Variants in TMEM229A observed in about 807,000 individuals in gnomAD.
TMEM229A encodes the protein transmembrane protein 229A.
TMEM229A carries 23 observed loss-of-function variants against 30.0 expected under a neutral mutation model. That is an observed-to-expected ratio of 0.77 (90% confidence interval 0.55 to 1.09). TMEM229A has a LOEUF of 1.09. TMEM229A is among the 50% of genes least tolerant of loss of function. The probability of loss-of-function intolerance (pLI) is 0.00; values close to 1 mark genes in which losing one functional copy is unlikely to be tolerated. For missense variants in TMEM229A, 534 were observed against 525.9 expected (o/e 1.02, Z -0.15); for synonymous variants, 264 against 241.5 (o/e 1.09, Z -0.86).
rs1031478518 is a variant in TMEM229A, at chr7:124,032,098, G to A, written c.906C>T (p.Arg302=). 2.6e-6 allele frequency: 4 copies of A among 1,551,610 alleles called. No homozygotes were observed. Among genetic ancestry groups the A allele is most frequent in the African/African-American group, 1.4e-5 (1 of 73,046 alleles). The change falls in exon 1 of 1, where the codon CGC becomes CGT. Residue 302 remains arginine (R), a synonymous_variant. Transcript: ENST00000455783. The surrounding 1 kb of genome is among the most constrained non-coding windows in gnomAD (Gnocchi z 6.6). ...EKLYFHLHYS[R]GWGTWKRVPI... is the part of the protein sequence containing the mutation. ...GCACCCGCTTCCAAGTGCCCCAACC[G>A]CGGCTGTAGTGGAGGTGGAAGTAGA...
rs1230546856 is a variant in TMEM229A, at chr7:124,032,947, C to A, written c.57G>T (p.Arg19=). 40 of 1,338,006 alleles carry A rather than the reference C, an allele frequency of 3.0e-5. No individual in the cohort carries two copies. The highest frequency in any genetic ancestry group is 3.8e-5 in the Non-Finnish European group (40 of 1,050,330). The allele number at this position is 1,338,006 out of a possible 1,614,324, so 82.9% of individuals were successfully genotyped here. A position where few individuals can be genotyped will look rare whatever the true frequency, so the allele number is the denominator to read the frequency against. ...CTGGCCCGCCAGGGGCCCCCGGACGCCGCGCCGCGCCGCCCCTCCGTGCGG... is the reference window on the plus strand; with the variant it reads ...CTGGCCCGCCAGGGGCCCCCGGACGACGCGCCGCGCCGCCCCTCCGTGCGG... The part of the protein sequence containing the change: ...EGPARRGGAA[R]RPGAPGGPGS... The change falls in exon 1 of 1, where the codon CGG becomes CGT. Residue 19 remains arginine (R), a synonymous_variant. Coordinates refer to ENST00000455783, the MANE Select transcript of TMEM229A (RefSeq NM_001136002.2). The surrounding 1 kb of genome is among the most constrained non-coding windows in gnomAD (Gnocchi z 6.6).
At position 124,031,764 on chromosome 7, in the gene TMEM229A, A is replaced by G. The variant is rs73720339; in HGVS notation, c.*97T>C. 3.9e-3 allele frequency: 4,969 copies of G among 1,274,860 alleles called. 135 individuals carry two copies. In the African/African-American group the frequency reaches 0.065, roughly 17 times the overall value. 79.0% of individuals were successfully genotyped at this position (1,274,860 alleles called of 1,614,324 possible). On this transcript the variant is annotated 3_prime_UTR_variant, in exon 1 of 1. Coordinates refer to ENST00000455783, the MANE Select transcript of TMEM229A (RefSeq NM_001136002.2). The surrounding 1 kb of genome is among the most constrained non-coding windows in gnomAD (Gnocchi z 4.1). ...TAGTAAAGCGTATAAAAATTAAAGG[A>G]CTAAAAAACCCACTTCATTTTAAAT...
In TMEM229A at chr7:124,031,815, G is replaced by A. The variant is rs938567194; in HGVS notation, c.*46C>T. 1.4e-6 allele frequency: 2 copies of A among 1,451,990 alleles called. No homozygotes were observed. Among genetic ancestry groups the A allele is most frequent in the African/African-American group, 1.4e-5 (1 of 69,786 alleles). 89.9% of individuals were successfully genotyped at this position (1,451,990 alleles called of 1,614,324 possible). A position where few individuals can be genotyped will look rare whatever the true frequency, so the allele number is the denominator to read the frequency against. ...GTGTAAAAATAAATCGCATCCATTC[G>A]TGGGAATCCAGTGACTTTTTCCTTT... is the stretch of plus-strand genomic sequence containing the variant. On this transcript the variant is annotated 3_prime_UTR_variant, in exon 1 of 1. Coordinates refer to ENST00000455783, the MANE Select transcript of TMEM229A (RefSeq NM_001136002.2). This position sits in a 1 kb window ranked among gnomAD's most constrained non-coding sequence, Gnocchi z 4.1.
At position 124,031,184 on chromosome 7, in the gene TMEM229A, T is replaced by G. The variant is rs1329866584; in HGVS notation, c.*677A>C. 6.6e-6 allele frequency: 1 copy of G among 152,176 alleles called. No homozygotes were observed. The highest frequency in any genetic ancestry group is 1.5e-5 in the Non-Finnish European group (1 of 68,024). The allele number at this position is 152,176 out of a possible 1,614,324, so 9.4% of individuals were successfully genotyped here. On this transcript the variant is annotated 3_prime_UTR_variant, in exon 1 of 1. Transcript: ENST00000455783. The surrounding 1 kb of genome is among the most constrained non-coding windows in gnomAD (Gnocchi z 4.1). ...AAAGCAATCATTTCCAGGATGGAGA[T>G]CAAATATCTTAACACAGTGTCACCT...
In TMEM229A at chr7:124,032,793, C is replaced by T. The variant is rs535296064; in HGVS notation, c.211G>A (p.Val71Met). The T allele has an allele frequency of 1.5e-5, 24 of 1,550,918 alleles. 2 individuals are homozygous for T. The South Asian group carries it at 2.6e-4, about 17-fold the overall frequency. Residue 71 changes from valine to methionine, a missense_variant, in exon 1 of 1, where the codon GTG becomes ATG. By Grantham distance (21) the Val-to-Met change is conservative. Transcript: ENST00000455783. This position sits in a 1 kb window ranked among gnomAD's most constrained non-coding sequence, Gnocchi z 6.6. Reference protein sequence around the residue: ...GMHGITLDVLVSSARRFARSP... With the variant: ...GMHGITLDVLMSSARRFARSP... ...CGGGCGAAGCGCCGGGCCGAGGACA[C>T]CAGCACGTCCAGGGTGATCCCGTGC...
In TMEM229A at chr7:124,032,354, G is replaced by A. The variant is rs1793145820; in HGVS notation, c.650C>T (p.Ala217Val). 8 of 1,541,614 alleles carry A rather than the reference G, an allele frequency of 5.2e-6. No homozygotes were observed. The highest frequency in any genetic ancestry group is 7.0e-6 in the Non-Finnish European group (8 of 1,143,770). The change falls in exon 1 of 1, where the codon GCC becomes GTC. Residue 217 changes from alanine to valine, a missense_variant. Coordinates refer to ENST00000455783, the MANE Select transcript of TMEM229A (RefSeq NM_001136002.2). This position sits in a 1 kb window ranked among gnomAD's most constrained non-coding sequence, Gnocchi z 6.6. ...VPPGARVPTA[A>V]GARRRRPRGP... Reference sequence around the variant, plus strand: ...ACGGGGTCGTCGCCGCCGGGCTCCGGCCGCAGTAGGGACCCGGGCGCCGGG... The same window carrying A: ...ACGGGGTCGTCGCCGCCGGGCTCCGACCGCAGTAGGGACCCGGGCGCCGGG...
In TMEM229A at chr7:124,032,027, A is replaced by C; in HGVS notation, c.977T>G (p.Leu326Arg). 2 of 1,551,732 alleles carry C rather than the reference A, an allele frequency of 1.3e-6. No homozygotes were observed. The highest frequency in any genetic ancestry group is 1.7e-6 in the Non-Finnish European group (2 of 1,147,000). ...FIYVWELSWG[L>R]GLRTCGACSW... Reference sequence around the variant, plus strand: ...ACAAGCCCCGCACGTGCGGAGTCCCAGACCCCAGGACAGCTCCCACACGTA... The same window carrying C: ...ACAAGCCCCGCACGTGCGGAGTCCCCGACCCCAGGACAGCTCCCACACGTA... The change falls in exon 1 of 1, where the codon CTG becomes CGG. Residue 326 changes from leucine (L) to arginine (R), a missense_variant. Coordinates refer to ENST00000455783, the MANE Select transcript of TMEM229A (RefSeq NM_001136002.2). This position sits in a 1 kb window ranked among gnomAD's most constrained non-coding sequence, Gnocchi z 6.6.
In TMEM229A at chr7:124,032,316, C is replaced by A. The variant is rs1426051002; in HGVS notation, c.688G>T (p.Ala230Ser). The A allele has an allele frequency of 2.6e-6, 4 of 1,548,978 alleles. No homozygotes were observed. The highest frequency in any genetic ancestry group is 3.5e-6 in the Non-Finnish European group (4 of 1,146,520). ...AGCCCCTGGCTGGGGGCTCCCCCGG[C>A]GCCCCTGGGGCCACGGGGTCGTCGC... The part of the protein sequence containing the change: ...RRRRPRGPRG[A>S]GGAPSQGLPD... Residue 230 changes from alanine (A) to serine (S), a missense_variant, in exon 1 of 1, where the codon GCC (alanine) becomes TCC (serine). Physicochemically the swap from Ala to Ser is moderately conservative, Grantham distance 99. Coordinates refer to ENST00000455783, the MANE Select transcript of TMEM229A (RefSeq NM_001136002.2). The surrounding 1 kb of genome is among the most constrained non-coding windows in gnomAD (Gnocchi z 6.6).
Position 124,032,475 on chromosome 7 carries a change from A to C in TMEM229A, c.529T>G (p.Phe177Val), listed in dbSNP as rs767179299. ...LYHCQVFLKR[F>V]LRLRYGRQRR... The stretch of plus-strand genomic sequence containing the variant: ...TGTCGCCCGTACCGCAAGCGCAGGA[A>C]GCGCTTCAGGAACACTTGGCAGTGG... Residue 177 changes from phenylalanine (F) to valine (V), a missense_variant, in exon 1 of 1, where the codon TTC becomes GTC. By Grantham distance (50) the Phe-to-Val change is conservative. Coordinates refer to ENST00000455783, the MANE Select transcript of TMEM229A (RefSeq NM_001136002.2). This position sits in a 1 kb window ranked among gnomAD's most constrained non-coding sequence, Gnocchi z 6.6. 5.8e-6 allele frequency: 9 copies of C among 1,549,364 alleles called. No individual in the cohort carries two copies. The South Asian group carries it at 9.5e-5, about 16-fold the overall frequency.
At position 124,032,863 on chromosome 7, in the gene TMEM229A, C is replaced by A; in HGVS notation, c.141G>T (p.Glu47Asp). 1 of 1,542,678 alleles carries A rather than the reference C, an allele frequency of 6.5e-7. No homozygotes were observed. Among genetic ancestry groups the A allele is most frequent in the South Asian group, 1.2e-5 (1 of 83,212 alleles). Reference protein sequence around the residue: ...EPLSTAEAPAESATLPAWMRL... With the variant: ...EPLSTAEAPADSATLPAWMRL... ...GCATCCAGGCGGGCAGCGTGGCGCT[C>A]TCAGCCGGCGCTTCAGCAGTGGACA... The change falls in exon 1 of 1, where the codon GAG (glutamate) becomes GAT (aspartate). Residue 47 changes from glutamate (E) to aspartate (D), a missense_variant. Glu to Asp is a conservative substitution (Grantham distance 45). Transcript: ENST00000455783. The surrounding 1 kb of genome is among the most constrained non-coding windows in gnomAD (Gnocchi z 6.6).
Position 124,032,373 on chromosome 7 carries a change from C to T in TMEM229A, c.631G>A (p.Ala211Thr). ...GCTCCGGCCGCAGTAGGGACCCGGG[C>T]GCCGGGAGGGACGGGGAGCGCGCCC... ...RRGALPVPPG[A>T]RVPTAAGARR... Residue 211 changes from alanine to threonine, a missense_variant, in exon 1 of 1, where the codon GCC becomes ACC. Ala to Thr is a moderately conservative substitution (Grantham distance 58, BLOSUM62 0). Coordinates refer to ENST00000455783, the MANE Select transcript of TMEM229A (RefSeq NM_001136002.2). The surrounding 1 kb of genome is among the most constrained non-coding windows in gnomAD (Gnocchi z 6.6). 1 of 1,540,988 alleles carries T rather than the reference C, an allele frequency of 6.5e-7. No individual in the cohort carries two copies. The highest frequency in any genetic ancestry group is 1.4e-5 in the African/African-American group (1 of 72,102).
Position 124,032,283 on chromosome 7 carries a change from G to C in TMEM229A, c.721C>G (p.Leu241Val). The C allele has an allele frequency of 6.4e-7, 1 of 1,551,260 alleles. No homozygotes were observed. Among genetic ancestry groups the C allele is most frequent in the Non-Finnish European group, 8.7e-7 (1 of 1,146,994 alleles). ...ATTCCGAAGAAAAGAAAGCGGGGTA[G>C]GTCGGGCAGCCCCTGGCTGGGGGCT... ...GGAPSQGLPD[L>V]PRFLFFGMHG... is the part of the protein sequence containing the mutation. The change falls in exon 1 of 1, where the codon CTA (leucine) becomes GTA (valine). Residue 241 changes from leucine (L) to valine (V), a missense_variant. Coordinates refer to ENST00000455783, the MANE Select transcript of TMEM229A (RefSeq NM_001136002.2). The surrounding 1 kb of genome is among the most constrained non-coding windows in gnomAD (Gnocchi z 6.6).
chr7:124,031,221 T>C lies in TMEM229A; in HGVS notation c.*640A>G, dbSNP rs1793129163. The C allele has an allele frequency of 1.3e-5, 2 of 152,250 alleles. No individual in the cohort carries two copies. The highest frequency in any genetic ancestry group is 6.5e-5 in the Admixed American group (1 of 15,286). 9.4% of individuals were successfully genotyped at this position (152,250 alleles called of 1,614,324 possible). On this transcript the variant is annotated 3_prime_UTR_variant, in exon 1 of 1. Transcript: ENST00000455783. The surrounding 1 kb of genome is among the most constrained non-coding windows in gnomAD (Gnocchi z 4.1). ...ACACAGTGTCACCTGTGTGAGTTGC[T>C]AGAAAAGACCTCTCATTTAAAAATC...
rs1350397162 is a variant in TMEM229A at position 124,032,048 on chromosome 7, A to G, written c.956T>C (p.Val319Ala). Residue 319 changes from valine to alanine, a missense_variant, in exon 1 of 1, where the codon GTG becomes GCG. By Grantham distance (64) the Val-to-Ala change is moderately conservative. Coordinates refer to ENST00000455783, the MANE Select transcript of TMEM229A (RefSeq NM_001136002.2). This position sits in a 1 kb window ranked among gnomAD's most constrained non-coding sequence, Gnocchi z 6.6. The stretch of plus-strand genomic sequence containing the variant: ...TCCCAGACCCCAGGACAGCTCCCAC[A>G]CGTAGATGAAGATCACGTAGATGGG... ...RVPIYVIFIYVWELSWGLGLR... is the reference protein window; with the variant it reads ...RVPIYVIFIYAWELSWGLGLR... 6.4e-7 allele frequency: 1 copy of G among 1,551,730 alleles called. No homozygotes were observed. The highest frequency in any genetic ancestry group is 1.2e-5 in the South Asian group (1 of 84,068).
At position 124,030,925 on chromosome 7, in the gene TMEM229A, A is replaced by G. The variant is rs1479654267; in HGVS notation, c.*936T>C. 2.6e-5 allele frequency: 4 copies of G among 152,268 alleles called. No individual in the cohort carries two copies. Among genetic ancestry groups the G allele is most frequent in the African/African-American group, 7.2e-5 (3 of 41,476 alleles). The allele number at this position is 152,268 out of a possible 1,614,324, so 9.4% of individuals were successfully genotyped here. A position where few individuals can be genotyped will look rare whatever the true frequency, so the allele number is the denominator to read the frequency against. On this transcript the variant is annotated 3_prime_UTR_variant, in exon 1 of 1. Transcript: ENST00000455783. ...AAACAATTAGGCTTAATGTAATTAG[A>G]GTGAACATTCAGGTTCATTTTATTC...
chr7:124,032,590 C>G lies in TMEM229A; in HGVS notation c.414G>C (p.Gln138His). 6.4e-7 allele frequency: 1 copy of G among 1,550,616 alleles called. No individual in the cohort carries two copies. The highest frequency in any genetic ancestry group is 8.7e-7 in the Non-Finnish European group (1 of 1,146,428). ...CGCCGCCCAGGCTGAGTAGTAGCGCCTGGCCCGCTAGGGTCTGCAGCCCCA... is the reference window on the plus strand; with the variant it reads ...CGCCGCCCAGGCTGAGTAGTAGCGCGTGGCCCGCTAGGGTCTGCAGCCCCA... Reference protein sequence around the residue: ...AHVGLQTLAGQALLLSLGGGA... With the variant: ...AHVGLQTLAGHALLLSLGGGA... Residue 138 changes from glutamine to histidine, a missense_variant, in exon 1 of 1, where the codon CAG becomes CAC. Physicochemically the swap from Gln to His is conservative, Grantham distance 24 (BLOSUM62 0). Transcript: ENST00000455783. This position sits in a 1 kb window ranked among gnomAD's most constrained non-coding sequence, Gnocchi z 6.6.
rs1584516177 is a variant in TMEM229A at position 124,032,095 on chromosome 7, A to C, written c.909T>G (p.Gly303=). Residue 303 remains glycine, a synonymous_variant, in exon 1 of 1, where the codon GGT becomes GGG. Transcript: ENST00000455783. This position sits in a 1 kb window ranked among gnomAD's most constrained non-coding sequence, Gnocchi z 6.6. The part of the protein sequence containing the change: ...KLYFHLHYSR[G]WGTWKRVPIY... ...TGGGCACCCGCTTCCAAGTGCCCCA[A>C]CCGCGGCTGTAGTGGAGGTGGAAGT... 6.4e-7 allele frequency: 1 copy of C among 1,551,692 alleles called. No homozygotes were observed.
In TMEM229A at chr7:124,032,272, A is replaced by C; in HGVS notation, c.732T>G (p.Phe244Leu). 6.4e-7 allele frequency: 1 copy of C among 1,551,394 alleles called. No individual in the cohort carries two copies. The highest frequency in any genetic ancestry group is 8.7e-7 in the Non-Finnish European group (1 of 1,146,984). ...GAAAGCCGTGCATTCCGAAGAAAAG[A>C]AAGCGGGGTAGGTCGGGCAGCCCCT... ...PSQGLPDLPR[F>L]LFFGMHGFLD... is the part of the protein sequence containing the mutation. Residue 244 changes from phenylalanine to leucine, a missense_variant, in exon 1 of 1, where the codon TTT becomes TTG. Physicochemically the swap from Phe to Leu is conservative, Grantham distance 22 (BLOSUM62 0). Coordinates refer to ENST00000455783, the MANE Select transcript of TMEM229A (RefSeq NM_001136002.2). This position sits in a 1 kb window ranked among gnomAD's most constrained non-coding sequence, Gnocchi z 6.6.
Position 124,031,838 on chromosome 7 carries a change from T to TTTTC in TMEM229A, c.*19_*22dup, listed in dbSNP as rs562410649. On this transcript the variant is annotated 3_prime_UTR_variant, in exon 1 of 1. Coordinates refer to ENST00000455783, the MANE Select transcript of TMEM229A (RefSeq NM_001136002.2). The surrounding 1 kb of genome is among the most constrained non-coding windows in gnomAD (Gnocchi z 4.1). ...TCGTGGGAATCCAGTGACTTTTTCC[T>TTTTC]TTTCTTTCTTTCTTTTTTGGTTTTA... 6.0e-4 allele frequency: 876 copies of TTTTC among 1,466,008 alleles called. No individual in the cohort carries two copies. Among genetic ancestry groups the TTTTC allele is most frequent in the Non-Finnish European group, 7.4e-4 (813 of 1,104,688 alleles). The allele number at this position is 1,466,008 out of a possible 1,614,324, so 90.8% of individuals were successfully genotyped here. A position where few individuals can be genotyped will look rare whatever the true frequency, so the allele number is the denominator to read the frequency against.
Sources: gnomAD v4.1 joint callset for allele counts on GRCh38, gnomAD v4.1.1 for gene constraint, Gnocchi (gnomAD v3.1) non-coding constraint, MANE v1.5 for transcripts, NCBI Gene and HGNC (gene_info 2026-07-23, HGNC 2026-07-21) for gene names.